MYO9A: variants seen among roughly 807,000 people sequenced by gnomAD.
MYO9A encodes myosin IXA, also known as unconventional myosin-IXa.
MYO9A carries 103 observed loss-of-function variants against 293.3 expected under a neutral mutation model. The observed-to-expected ratio is 0.35, with a 90% CI of 0.30 to 0.41. The LOEUF (loss-of-function observed/expected upper bound fraction) is 0.41, where lower values mean the gene tolerates loss of function less well. MYO9A is among the 10% of genes least tolerant of loss of function. The pLI is 1.00. For missense variants in MYO9A, 2,685 were observed against 3,033.0 expected (o/e 0.89, Z 2.69); for synonymous variants, 1,001 against 1,035.7 (o/e 0.97, Z 0.64).
chr15:72,038,215 A>T (rs917965786), intron 2 of MYO9A, among the ~76,000 whole-genome samples: 1 of 152,092 alleles, frequency 6.6e-6, no homozygotes, highest in African/African-American at 2.4e-5. Flanking sequence ...GAGCCACCAC[A>T]CCTGGCCAAA....
At chr15:72,004,670 T>A (rs1287510212) in intron 8 of MYO9A, among the ~76,000 whole-genome samples, 1 of 152,204 alleles carries the variant, frequency 6.6e-6, no homozygotes, top group Non-Finnish European at 1.5e-5. Flanking sequence ...ATGATGATAG[T>A]TCTAATATCT....
At position 71,901,319 on chromosome 15, in the gene MYO9A, G is replaced by T. The variant is rs2057476846; in HGVS notation, c.3022C>A (p.Arg1008=). 1.2e-6 allele frequency: 2 copies of T among 1,612,896 alleles called. No individual in the cohort carries two copies. Among genetic ancestry groups the T allele is most frequent in the African/African-American group, 1.3e-5 (1 of 74,940 alleles). ...TGAAGCAGATCTTGTAAGTGCTGTC[G>T]TTCCTGCTCCTTTAGAAAGACCTAC... The part of the protein sequence containing the change: ...KTMVFLKEQE[R]QHLQDLLHQE... The change falls in exon 23 of 42, where the codon CGA becomes AGA. Residue 1008 remains arginine (R), a synonymous_variant. Coordinates refer to ENST00000356056, the MANE Select transcript of MYO9A (RefSeq NM_006901.4).
At chr15:72,015,894 T>C (rs1004230251) in intron 6 of MYO9A, among the ~76,000 whole-genome samples, 1 of 151,964 alleles carries the variant, frequency 6.6e-6, no homozygotes, top group Non-Finnish European at 1.5e-5. Flanking sequence ...TTCACCGTGT[T>C]AGCCAGGATG....
At chr15:72,079,584 T>C (rs910697955) in intron 1 of MYO9A, among the ~76,000 whole-genome samples, 5 of 152,070 alleles carry the variant, frequency 3.3e-5, no homozygotes, top group Non-Finnish European at 7.4e-5. Context: ...CAAATAAATA[T>C]ATGAAAACAC....
chr15:71,899,540 TGG>T, intron 24 of MYO9A, 145 bp downstream of exon 24: 1 of 663,634 alleles, frequency 1.5e-6, no homozygotes, highest in Non-Finnish European at 2.5e-6. Flanking sequence ...CAATACAATG[TGG>T]GTTAAAATCG....
rs117054939 is a variant in MYO9A at position 71,955,849 on chromosome 15, T to C, written c.2183-3953A>G. On this transcript the variant is annotated intron_variant, in intron 14 of 41. Transcript: ENST00000356056. ...TCATCCTCCCCATCTCTTAGCTCTA[T>C]ACCTGACCCTCTAGCCCTAGGCAAA... Among the ~76,000 whole-genome samples, 375 of 152,270 alleles carry C rather than the reference T, an allele frequency of 2.5e-3. 3 individuals carry two copies. Among genetic ancestry groups the C allele is most frequent in the Non-Finnish European group, 3.5e-3 (239 of 68,006 alleles).
At chr15:72,068,558 CT>C (rs1441697514) in intron 1 of MYO9A, among the ~76,000 whole-genome samples, 3 of 151,728 alleles carry the variant, frequency 2.0e-5, no homozygotes, top group Admixed American at 6.6e-5. Flanking sequence ...CTTGATCTTC[CT>C]GGCTCAAGCC....
chr15:71,956,134 C>T (rs952249589), intron 14 of MYO9A, among the ~76,000 whole-genome samples: 2 of 149,062 alleles, frequency 1.3e-5, no homozygotes, highest in Non-Finnish European at 3.0e-5. Context: ...GCAAGACCCA[C>T]CTCCAAAAAC....
At chr15:71,973,935 T>G (rs1010111301) in intron 12 of MYO9A, among the ~76,000 whole-genome samples, 2 of 152,172 alleles carry the variant, frequency 1.3e-5, no homozygotes, top group African/African-American at 4.8e-5. Context: ...CCAATGGCTA[T>G]GTGGCAGTTT....
intron 1 of MYO9A, among the ~76,000 whole-genome samples, chr15:72,075,801 T>C (rs1296194401): frequency 6.6e-6 from 1 of 151,714 alleles, no homozygotes; most frequent in South Asian, 2.1e-4. Flanking sequence ...AAGTAAGAAA[T>C]ACTAAAGTAA....
intron 1 of MYO9A, among the ~76,000 whole-genome samples, chr15:72,114,990 C>T (rs1045286202): frequency 3.9e-5 from 6 of 152,170 alleles, no homozygotes; most frequent in African/African-American, 1.4e-4. Flanking sequence ...GAGTTTATAT[C>T]GCTAACTTCT....
At position 72,046,394 on chromosome 15, in the gene MYO9A, T is replaced by C. The variant is rs755780001; in HGVS notation, c.170A>G (p.Lys57Arg). 6.2e-7 allele frequency: 1 copy of C among 1,614,194 alleles called. No homozygotes were observed. Among genetic ancestry groups the C allele is most frequent in the Admixed American group, 1.7e-5 (1 of 60,018 alleles). Residue 57 changes from lysine (K) to arginine (R), a missense_variant, in exon 2 of 42, where the codon AAA (lysine) becomes AGA (arginine). By Grantham distance (26) the Lys-to-Arg change is conservative (BLOSUM62 2). Coordinates refer to ENST00000356056, the MANE Select transcript of MYO9A (RefSeq NM_006901.4). ...ESLINKLHLD[K>R]TKCYVLAEVK... ...CTCTGCTAGAACATAACATTTTGTT[T>C]TGTCAAGATGAAGTTTGTTTATAAG...
chr15:72,088,903 A>C (rs1404037797), intron 1 of MYO9A, among the ~76,000 whole-genome samples: 3 of 152,174 alleles, frequency 2.0e-5, no homozygotes, highest in African/African-American at 7.2e-5. Context: ...ACTTACATGT[A>C]TGTCTATGCT....
At chr15:71,923,902 C>T (rs1231487177) in intron 18 of MYO9A, among the ~76,000 whole-genome samples, 1 of 151,976 alleles carries the variant, frequency 6.6e-6, no homozygotes, top group Non-Finnish European at 1.5e-5. Flanking sequence ...ATTTTGTTCT[C>T]ATTTTTCCTA....
intron 1 of MYO9A, among the ~76,000 whole-genome samples, chr15:72,066,226 C>T (rs1193701112): frequency 5.9e-5 from 9 of 152,092 alleles, no homozygotes; most frequent in Non-Finnish European, 1.3e-4. Context: ...TGGTGGCTCA[C>T]GCCTGTAATC....
intron 18 of MYO9A, among the ~76,000 whole-genome samples, chr15:71,922,447 A>C (rs1276976606): frequency 6.6e-6 from 1 of 152,190 alleles, no homozygotes; most frequent in East Asian, 1.9e-4. Flanking sequence ...TCACATACTT[A>C]TTTCTTTGCG....
intron 1 of MYO9A, among the ~76,000 whole-genome samples, chr15:72,101,032 C>G (rs1488044699): frequency 7.2e-6 from 1 of 138,078 alleles, no homozygotes; most frequent in East Asian, 2.4e-4. Context: ...GGGTCAGCCC[C>G]CCGCCCGGCC....
chr15:71,968,869 C>T lies in MYO9A; in HGVS notation c.1845-744G>A, dbSNP rs375010364. 2.4e-4 allele frequency among the ~76,000 whole-genome samples: 37 copies of T among 152,250 alleles called. 1 individual carries two copies. The highest frequency in any genetic ancestry group is 1.0e-3 in the Admixed American group (16 of 15,294). On this transcript the variant is annotated intron_variant, in intron 12 of 41. Transcript: ENST00000356056. The stretch of plus-strand genomic sequence containing the variant: ...GAAAGAAAGTTTCAGAAAATAGCTT[C>T]ATTTAATGGTAGCTGAAATAATGAA...
At chr15:71,942,156 ATATG>A (rs2146190180) in intron 15 of MYO9A, among the ~76,000 whole-genome samples, 1 of 152,216 alleles carries the variant, frequency 6.6e-6, no homozygotes, top group Admixed American at 6.5e-5. Flanking sequence ...ATATGGAAAA[ATATG>A]TATGAATACA....
Sources: gnomAD v4.1 joint callset for allele counts (sites outside exome capture counted in the v4.1 genomes callset) on GRCh38, gnomAD v4.1.1 for gene constraint, MANE v1.5 for transcripts, NCBI Gene and HGNC (gene_info 2026-07-23, HGNC 2026-07-21) for gene names.